SACS: variants seen among roughly 807,000 people sequenced by gnomAD.
SACS encodes the protein sacsin.
SACS carries 197 observed loss-of-function variants against 348.0 expected under a neutral mutation model. That is an observed-to-expected ratio of 0.57 (90% CI 0.50 to 0.64). The LOEUF (loss-of-function observed/expected upper bound fraction) is 0.64. Among genes scored for constraint, SACS ranks in the 30% least tolerant of loss-of-function variants. The pLI, the probability that SACS is intolerant of heterozygous loss-of-function variation, is 0.00. For missense variants in SACS, 4,999 were observed against 5,360.8 expected (o/e 0.93, Z 2.11); for synonymous variants, 1,985 against 1,910.6 (o/e 1.04, Z -1.02).
chr13:23,382,468 T>C (rs2137870213), intron 2 of SACS, among the ~76,000 whole-genome samples: 1 of 152,344 alleles, frequency 6.6e-6, no homozygotes, highest in South Asian at 2.1e-4. Context: ...TCAAATGTTC[T>C]CTTGATAGAG....
At chr13:23,392,369 A>T (rs557753059) in intron 2 of SACS, among the ~76,000 whole-genome samples, 1 of 152,300 alleles carries the variant, frequency 6.6e-6, no homozygotes, top group East Asian at 1.9e-4. Flanking sequence ...TTTGCAACTA[A>T]CTGCTTATTA....
At chr13:23,374,747 A>T (rs1871630644) in intron 3 of SACS, among the ~76,000 whole-genome samples, 1 of 152,220 alleles carries the variant, frequency 6.6e-6, no homozygotes, top group African/African-American at 2.4e-5. Context: ...AACTTCCAAT[A>T]TATCAAAGGT....
chr13:23,412,213 C>A (rs1016241548), intron 1 of SACS, among the ~76,000 whole-genome samples: 1 of 151,990 alleles, frequency 6.6e-6, no homozygotes, highest in African/African-American at 2.4e-5. Context: ...GAGCCAAGAT[C>A]GCGCCACTGC....
Position 23,329,459 on chromosome 13 carries a change from G to A in SACS, c.*677C>T, listed in dbSNP as rs200375761. The A allele has an allele frequency of 7.5e-3, 5,717 of 767,358 alleles. 299 individuals carry two copies. The South Asian group carries it at 0.077, about 10-fold the overall frequency. The allele number at this position is 767,358 out of a possible 1,614,324, so 47.5% of individuals were successfully genotyped here. A position where few individuals can be genotyped will look rare whatever the true frequency, so the allele number is the denominator to read the frequency against. On this transcript the variant is annotated 3_prime_UTR_variant, in exon 10 of 10. Transcript: ENST00000382292. ...GAACTGCCACCATTTTGAGTTTTCC[G>A]TTGCTATCTTCATCAAACAGGAAGC...
chr13:23,421,772 C>A (rs1247315074), intron 1 of SACS, among the ~76,000 whole-genome samples: 1 of 151,860 alleles, frequency 6.6e-6, no homozygotes, highest in Non-Finnish European at 1.5e-5. Flanking sequence ...AGGGTATCTA[C>A]CTGGAGCGTG....
At position 23,335,681 on chromosome 13, in the gene SACS, G is replaced by A; in HGVS notation, c.8195C>T (p.Ser2732Leu). 2.5e-6 allele frequency: 4 copies of A among 1,614,018 alleles called. No homozygotes were observed. Among genetic ancestry groups the A allele is most frequent in the Non-Finnish European group, 3.4e-6 (4 of 1,179,904 alleles). ...MVQNLLDKLRSDGAELLMFLN... is the reference protein window; with the variant it reads ...MVQNLLDKLRLDGAELLMFLN... ...AAACATTAGAAGTTCTGCCCCATCT[G>A]AGCGCAGTTTGTCCAAAAGATTCTG... Residue 2732 changes from serine (S) to leucine (L), a missense_variant, in exon 10 of 10, where the codon TCA (serine) becomes TTA (leucine). This residue lies in a region of SACS where 3,156 missense variants were observed against 3,380.1 expected (regional missense o/e 0.93). Transcript: ENST00000382292. This position sits in a 1 kb window ranked among gnomAD's most constrained non-coding sequence, Gnocchi z 4.7.
rs747509451 is a variant in SACS, at chr13:23,337,727, G to A, written c.6149C>T (p.Thr2050Ile). The change falls in exon 10 of 10, where the codon ACA (threonine) becomes ATA (isoleucine). Residue 2050 changes from threonine to isoleucine, a missense_variant. This residue lies in a region of SACS where 3,156 missense variants were observed against 3,380.1 expected (regional missense o/e 0.93). Transcript: ENST00000382292. Reference protein sequence around the residue: ...AGCKQILLENTFSEKQFFSEV... With the variant: ...AGCKQILLENIFSEKQFFSEV... ...AGAAAAAAACTGTTTCTCTGAAAAT[G>A]TGTTTTCAAGTAGTATCTGTTTGCA... The A allele has an allele frequency of 6.2e-7, 1 of 1,613,194 alleles. No individual in the cohort carries two copies. Among genetic ancestry groups the A allele is most frequent in the African/African-American group, 1.3e-5 (1 of 74,828 alleles).
chr13:23,378,799 G>A (rs541141962), intron 2 of SACS, among the ~76,000 whole-genome samples: 2 of 152,126 alleles, frequency 1.3e-5, no homozygotes, highest in African/African-American at 2.4e-5. Context: ...GCAGCATGTA[G>A]ATTAAACTGA....
chr13:23,394,230 G>A (rs540033932), intron 2 of SACS, among the ~76,000 whole-genome samples: 15 of 152,276 alleles, frequency 9.9e-5, no homozygotes, highest in African/African-American at 3.4e-4. Context: ...ACCTCGTCCT[G>A]GGGCCCTGTC....
intron 2 of SACS, among the ~76,000 whole-genome samples, chr13:23,391,799 TC>T (rs1398495604): frequency 1.8e-5 from 2 of 110,706 alleles, no homozygotes. Context: ...AGAAAGGGAA[TC>T]AAACTGACTG....
At chr13:23,357,766 A>T (rs1409885876) in intron 7 of SACS, among the ~76,000 whole-genome samples, 1 of 152,238 alleles carries the variant, frequency 6.6e-6, no homozygotes, top group Non-Finnish European at 1.5e-5. Context: ...ACTAGGAACC[A>T]GAAACCTCAT....
chr13:23,350,925 T>C (rs1233324611), intron 9 of SACS, among the ~76,000 whole-genome samples: 3 of 152,192 alleles, frequency 2.0e-5, no homozygotes, highest in Non-Finnish European at 2.9e-5. Flanking sequence ...GCAGGACCTC[T>C]GGAAGGAAGT....
intron 5 of SACS, among the ~76,000 whole-genome samples, chr13:23,367,975 A>G (rs1871163099): frequency 1.3e-5 from 2 of 152,192 alleles, no homozygotes; most frequent in South Asian, 4.1e-4. Flanking sequence ...CTATTAAATA[A>G]ACCCTCCCAA....
chr13:23,340,069 A>G lies in SACS; in HGVS notation c.3807T>C (p.Ser1269=). Residue 1269 remains serine (S), a synonymous_variant, in exon 10 of 10, where the codon TCT becomes TCC. Transcript: ENST00000382292. The stretch of plus-strand genomic sequence containing the variant: ...CCCATGGAAATTTTAAGGCTCTAAA[A>G]GAATCTTTCCCTTCATTTAGATGAT... ...MHDHLNEGKD[S]FRALKFPWVW... 1.9e-6 allele frequency: 3 copies of G among 1,614,082 alleles called. No individual in the cohort carries two copies. Among genetic ancestry groups the G allele is most frequent in the Non-Finnish European group, 2.5e-6 (3 of 1,179,974 alleles).
chr13:23,363,847 CAG>C (rs1870897972), intron 6 of SACS, among the ~76,000 whole-genome samples: 1 of 152,182 alleles, frequency 6.6e-6, no homozygotes, highest in Admixed American at 6.5e-5. Context: ...CTGAGTGTAA[CAG>C]TGCCTGGGGG....
At chr13:23,368,304 C>T (rs1455402969) in intron 5 of SACS, 98 bp downstream of exon 5, 16 of 845,982 alleles carry the variant, frequency 1.9e-5, no homozygotes, top group Non-Finnish European at 3.0e-5. Context: ...ATCTAGACAA[C>T]ATTTTAAAAA....
chr13:23,341,753 T>A, intron 9 of SACS, 63 bp from the exon 10 acceptor site: 3 of 972,522 alleles, frequency 3.1e-6, no homozygotes, highest in Non-Finnish European at 4.8e-6. Context: ...CTTTCTATTC[T>A]CACAAATAAC....
chr13:23,421,692 T>C (rs1873947947), intron 1 of SACS, among the ~76,000 whole-genome samples: 1 of 151,600 alleles, frequency 6.6e-6, no homozygotes, highest in East Asian at 2.0e-4. Flanking sequence ...TGGGGACTGA[T>C]GTCCACATGG....
chr13:23,346,939 G>A, intron 9 of SACS: 1 of 286,608 alleles, frequency 3.5e-6, no homozygotes, highest in Non-Finnish European at 5.2e-6. Context: ...GCTGTCTGTA[G>A]AATCTTTACA....
Sources: allele counts gnomAD v4.1 joint callset (sites outside exome capture counted in the v4.1 genomes callset), GRCh38; gene constraint gnomAD v4.1.1; regional missense constraint gnomAD v4.1.1; non-coding constraint Gnocchi (gnomAD v3.1); transcripts MANE v1.5; gene names NCBI Gene and HGNC (gene_info 2026-07-23, HGNC 2026-07-21).